The following SPTBN2 variants were observed in gnomAD, a reference collection of about 807,000 sequenced individuals.
SPTBN2 encodes the protein spectrin beta, non-erythrocytic 2.
Under a neutral mutation model 284.2 loss-of-function variants are expected in SPTBN2, and 107 were observed. The ratio of observed to expected loss-of-function variants is 0.38; its 90% CI spans 0.32 to 0.44. The LOEUF (loss-of-function observed/expected upper bound fraction) is 0.44. Among genes scored for constraint, SPTBN2 ranks in the 20% least tolerant of loss-of-function variants. The pLI, the probability that SPTBN2 is intolerant of heterozygous loss-of-function variation, is 1.00. For missense variants in SPTBN2, 2,569 were observed against 3,287.1 expected (o/e 0.78, Z 5.34); for synonymous variants, 1,289 against 1,354.8 (o/e 0.95, Z 1.07).
intron 21 of SPTBN2, 86 bp from the exon 22 acceptor site, chr11:66,694,449 C>A: frequency 7.2e-7 from 1 of 1,384,502 alleles, no homozygotes; most frequent in Non-Finnish European, 9.9e-7. Flanking sequence ...TCTATCCAGC[C>A]CACTGTGGCT....
rs1016885682 is a variant in SPTBN2, at chr11:66,693,565, G to C, written c.4594-119C>G. The C allele has an allele frequency of 6.7e-7, 1 of 1,488,302 alleles. No individual in the cohort carries two copies. Among genetic ancestry groups the C allele is most frequent in the Admixed American group, 2.0e-5 (1 of 50,746 alleles). The allele number at this position is 1,488,302 out of a possible 1,614,324, so 92.2% of individuals were successfully genotyped here. A position where few individuals can be genotyped will look rare whatever the true frequency, so the allele number is the denominator to read the frequency against. On this transcript the variant is annotated intron_variant, in intron 23 of 37. Transcript: ENST00000533211. The surrounding 1 kb of genome is among the most constrained non-coding windows in gnomAD (Gnocchi z 5.7). ...CCTGGGTCCTCTGCTCCCTCTCCTA[G>C]CCTGGGGGTGCGATGGTAACACCCG... is the stretch of plus-strand genomic sequence containing the variant.
chr11:66,705,965 T>C, intron 13 of SPTBN2, 128 bp from the exon 14 acceptor site: 1 of 1,321,528 alleles, frequency 7.6e-7, no homozygotes, highest in Non-Finnish European at 1.0e-6. Flanking sequence ...TGCTCACACA[T>C]ACTTGAGATA....
upstream of SPTBN2, among the ~76,000 whole-genome samples, chr11:66,731,807 C>G (rs1230454426): frequency 1.3e-5 from 2 of 152,180 alleles, no homozygotes; most frequent in Non-Finnish European, 2.9e-5. Context: ...AACTATATGG[C>G]TAATTATATA....
chr11:66,694,887 G>C (rs1197788090), intron 21 of SPTBN2, among the ~76,000 whole-genome samples: 2 of 152,302 alleles, frequency 1.3e-5, no homozygotes, highest in South Asian at 2.1e-4. Flanking sequence ...GGCATTCCAC[G>C]GTTCCAAGGT....
In SPTBN2 at chr11:66,710,187, C is replaced by T. The variant is rs972935600; in HGVS notation, c.1073+395G>A. Among the ~76,000 whole-genome samples the T allele has an allele frequency of 2.6e-5, 4 of 152,206 alleles. No homozygotes were observed. The highest frequency in any genetic ancestry group is 6.5e-5 in the Admixed American group (1 of 15,284). ...CCTCCCGAGTAGCTGGGATGACAGG[C>T]GTGTGCCACCATGCCCAGCTAATTT... On this transcript the variant is annotated intron_variant, in intron 10 of 37. Transcript: ENST00000533211. This position sits in a 1 kb window ranked among gnomAD's most constrained non-coding sequence, Gnocchi z 4.9.
intron 1 of SPTBN2, among the ~76,000 whole-genome samples, chr11:66,740,203 A>G (rs1942886383): frequency 6.6e-6 from 1 of 152,234 alleles, no homozygotes; most frequent in Admixed American, 6.5e-5. Flanking sequence ...TGACTTGGCC[A>G]GGAAGAACAG....
In SPTBN2 at chr11:66,688,327, G is replaced by T. The variant is rs1940293377; in HGVS notation, c.6232-16C>A. On this transcript the variant is annotated splice_polypyrimidine_tract_variant and intron_variant, in intron 31 of 37. Coordinates refer to ENST00000533211, the MANE Select transcript of SPTBN2 (RefSeq NM_006946.4). The stretch of plus-strand genomic sequence containing the variant: ...GCTCCTCTAGCTGTCAAAAAATGCT[G>T]CATTCAGCGTGTAGAAGGTTGCGTG... The T allele has an allele frequency of 6.4e-7, 1 of 1,568,644 alleles. No individual in the cohort carries two copies.
chr11:66,720,406 G>A (rs770099638), intron 3 of SPTBN2, among the ~76,000 whole-genome samples: 4 of 152,176 alleles, frequency 2.6e-5, no homozygotes, highest in Admixed American at 6.5e-5. Context: ...GGTGGCAGCC[G>A]CACTCTTGTT....
Position 66,693,417 on chromosome 11 carries a change from C to T in SPTBN2, c.4623G>A (p.Glu1541=). 6.3e-7 allele frequency: 1 copy of T among 1,599,832 alleles called. No individual in the cohort carries two copies. Among genetic ancestry groups the T allele is most frequent in the Non-Finnish European group, 8.5e-7 (1 of 1,179,812 alleles). The stretch of plus-strand genomic sequence containing the variant: ...GCTCCCTCAGGTCCGCGATCCGGGG[C>T]TCATGGCCCTGAATCTCTTTCTGCA... ...QTLQKEIQGH[E]PRIADLRERQ... is the part of the protein sequence containing the mutation. The change falls in exon 24 of 38, where the codon GAG becomes GAA. Residue 1541 remains glutamate, a synonymous_variant. Coordinates refer to ENST00000533211, the MANE Select transcript of SPTBN2 (RefSeq NM_006946.4). The surrounding 1 kb of genome is among the most constrained non-coding windows in gnomAD (Gnocchi z 5.7).
chr11:66,687,060 C>A lies in SPTBN2; in HGVS notation c.6830G>T (p.Ser2277Ile). 6.2e-7 allele frequency: 1 copy of A among 1,614,156 alleles called. No individual in the cohort carries two copies. The highest frequency in any genetic ancestry group is 8.5e-7 in the Non-Finnish European group (1 of 1,180,054). The change falls in exon 36 of 38, where the codon AGC becomes ATC. Residue 2277 changes from serine (S) to isoleucine (I), a missense_variant. By Grantham distance (142) the Ser-to-Ile change is moderately radical. Transcript: ENST00000533211. This position sits in a 1 kb window ranked among gnomAD's most constrained non-coding sequence, Gnocchi z 5.2. ...GVPYHGEVPV[S>I]LARAQGSVAF... ...GACGCTGCCCTGGGCCCTGGCCAGGCTGACAGGCACTTCTCCGTGGTATGG... is the reference window on the plus strand; with the variant it reads ...GACGCTGCCCTGGGCCCTGGCCAGGATGACAGGCACTTCTCCGTGGTATGG...
intron 13 of SPTBN2, 81 bp from the exon 14 acceptor site, chr11:66,705,918 A>C: frequency 1.9e-5 from 29 of 1,543,588 alleles, no homozygotes; most frequent in Non-Finnish European, 2.4e-5. Context: ...CAACTTCTCC[A>C]CGGCCCCAGG....
chr11:66,709,002 T>C lies in SPTBN2; in HGVS notation c.1091A>G (p.Asn364Ser), dbSNP rs1273743898. Residue 364 changes from asparagine to serine, a missense_variant, in exon 11 of 38, where the codon AAC becomes AGC. Around this residue, in one of 6 missense-constraint regions of SPTBN2, gnomAD observed 304 missense variants for 522.1 expected, o/e 0.58. Coordinates refer to ENST00000533211, the MANE Select transcript of SPTBN2 (RefSeq NM_006946.4). ...EKPPKFTEKGNLEVLLFTIQS... is the reference protein window; with the variant it reads ...EKPPKFTEKGSLEVLLFTIQS... ...GATGGTGAAGAGCAGCACTTCCAAG[T>C]TCCCTTTCTCGGTAAACCTGAGGCA... 1 of 1,613,810 alleles carries C rather than the reference T, an allele frequency of 6.2e-7. No individual in the cohort carries two copies. Among genetic ancestry groups the C allele is most frequent in the Non-Finnish European group, 8.5e-7 (1 of 1,179,832 alleles).
At position 66,693,647 on chromosome 11, in the gene SPTBN2, G is replaced by A; in HGVS notation, c.4593+125C>T. The A allele has an allele frequency of 7.6e-7, 1 of 1,316,802 alleles. No homozygotes were observed. The highest frequency in any genetic ancestry group is 1.1e-6 in the Non-Finnish European group (1 of 944,048). 81.6% of individuals were successfully genotyped at this position (1,316,802 alleles called of 1,614,324 possible). A position where few individuals can be genotyped will look rare whatever the true frequency, so the allele number is the denominator to read the frequency against. ...AGAGGACCCACCCTCCCAAGGTGAG[G>A]AAAGACAGCCACTGAAGTCCAGGGT... On this transcript the variant is annotated intron_variant, in intron 23 of 37. Coordinates refer to ENST00000533211, the MANE Select transcript of SPTBN2 (RefSeq NM_006946.4). This position sits in a 1 kb window ranked among gnomAD's most constrained non-coding sequence, Gnocchi z 5.7.
At chr11:66,720,220 C>A (rs896729974) in intron 3 of SPTBN2, among the ~76,000 whole-genome samples, 2 of 152,264 alleles carry the variant, frequency 1.3e-5, no homozygotes, top group South Asian at 4.2e-4. Context: ...CCACTCGGAG[C>A]ACCACCTCTC....
At chr11:66,688,580 C>T (rs976632837) in intron 31 of SPTBN2, 73 bp downstream of exon 31, 2 of 1,587,894 alleles carry the variant, frequency 1.3e-6, no homozygotes. Flanking sequence ...GAAGACATGT[C>T]TTCTCCAAGC....
chr11:66,705,539 T>C, intron 14 of SPTBN2, 71 bp from the exon 15 acceptor site: 5 of 1,608,452 alleles, frequency 3.1e-6, no homozygotes, highest in Non-Finnish European at 4.2e-6. Flanking sequence ...CCACACTCTC[T>C]TGGACTTCCC....
chr11:66,705,269 C>T lies in SPTBN2; in HGVS notation c.2007G>A (p.Thr669=), dbSNP rs1235180040. 13 of 1,591,442 alleles carry T rather than the reference C, an allele frequency of 8.2e-6. No individual in the cohort carries two copies. The highest frequency in any genetic ancestry group is 2.7e-5 in the African/African-American group (2 of 74,514). Residue 669 remains threonine (T), a synonymous_variant, in exon 15 of 38, where the codon ACG becomes ACA. Coordinates refer to ENST00000533211, the MANE Select transcript of SPTBN2 (RefSeq NM_006946.4). Reference sequence around the variant, plus strand: ...GGAGGGCACCGGTCAGGTCTCGGCCCGTGTCGGCTGAGGCCAGGAGGTGCT... The same window carrying T: ...GGAGGGCACCGGTCAGGTCTCGGCCTGTGTCGGCTGAGGCCAGGAGGTGCT... ...EQQHLLASAD[T]GRDLTGALRL... is the part of the protein sequence containing the mutation.
rs1941620239 is a variant in SPTBN2, at chr11:66,707,449, CG to C, written c.1653+66del. The C allele has an allele frequency of 2.0e-6, 3 of 1,507,094 alleles. No homozygotes were observed. In the African/African-American group the frequency reaches 4.1e-5, roughly 21 times the overall value. 93.4% of individuals were successfully genotyped at this position (1,507,094 alleles called of 1,614,324 possible). ...GAGATCGGCCGAGCAGACGGGCGGA[CG>C]CACCCACTGTGGGGCCCCCTCGACT... On this transcript the variant is annotated intron_variant, in intron 13 of 37. Coordinates refer to ENST00000533211, the MANE Select transcript of SPTBN2 (RefSeq NM_006946.4). This position sits in a 1 kb window ranked among gnomAD's most constrained non-coding sequence, Gnocchi z 4.9.
At position 66,701,199 on chromosome 11, in the gene SPTBN2, C is replaced by CG; in HGVS notation, c.2899_2900insC (p.Cys967SerfsTer110). The stretch of plus-strand genomic sequence containing the variant: ...TCTCATCCAGGCCTGGGTCTCCGTG[C>CG]ACTCTAAGTGGTAGTTCTGGATGCT... On this transcript the variant is annotated frameshift_variant, in exon 17 of 38. Transcript: ENST00000533211. LOFTEE classifies it high-confidence loss of function. 1 of 1,613,176 alleles carries CG rather than the reference C, an allele frequency of 6.2e-7. No individual in the cohort carries two copies. The highest frequency in any genetic ancestry group is 8.5e-7 in the Non-Finnish European group (1 of 1,180,028).
Sources: allele counts gnomAD v4.1 joint callset (sites outside exome capture counted in the v4.1 genomes callset), GRCh38; gene constraint gnomAD v4.1.1; regional missense constraint gnomAD v4.1.1; non-coding constraint Gnocchi (gnomAD v3.1); transcripts MANE v1.5; gene names NCBI Gene and HGNC (gene_info 2026-07-23, HGNC 2026-07-21).